The following GRM5 variants were observed in gnomAD, a reference collection of about 807,000 sequenced individuals.
GRM5 encodes glutamate metabotropic receptor 5.
In GRM5, 19 loss-of-function variants were observed where a neutral mutation model predicts 83.1. The observed-to-expected ratio is 0.23, with a 90% CI of 0.16 to 0.34. GRM5 has a LOEUF of 0.34. Ranked by LOEUF, GRM5 falls within the 10% of genes least tolerant of loss-of-function variation. GRM5 has a pLI of 1.00. For synonymous variants in GRM5, 675 were observed against 633.6 expected, an observed-to-expected ratio of 1.07 and a Z score of -0.98; for missense variants, 1,160 against 1,588.3, an observed-to-expected ratio of 0.73 and a Z score of 4.58.
chr11:88,581,937 T>C (rs1943219132), intron 7 of GRM5, among the ~76,000 whole-genome samples: 1 of 152,184 alleles, frequency 6.6e-6, no homozygotes, highest in Non-Finnish European at 1.5e-5. Context: ...TATTTTCACA[T>C]ACATGAATTC....
chr11:88,996,056 AG>A (rs1204104132), intron 2 of GRM5, among the ~76,000 whole-genome samples: 1 of 152,234 alleles, frequency 6.6e-6, no homozygotes, highest in Admixed American at 6.5e-5. Flanking sequence ...TGCTAGTCAA[AG>A]TAAATGTATG....
chr11:88,601,376 CCTTTT>C (rs1460607003), intron 5 of GRM5, among the ~76,000 whole-genome samples: 4 of 151,934 alleles, frequency 2.6e-5, no homozygotes, highest in African/African-American at 9.7e-5. Context: ...CTATTTTGGG[CCTTTT>C]CTTTTCTTTC....
intron 4 of GRM5, among the ~76,000 whole-genome samples, chr11:88,626,355 G>A (rs11020686): frequency 0.035 from 5,304 of 152,220 alleles, 299 homozygotes; most frequent in African/African-American, 0.12. Flanking sequence ...AGTCTAATCG[G>A]AAACCTTCTG....
chr11:89,047,086 T>C lies in GRM5; in HGVS notation c.661+126A>G. ...TATGCCATCCAGTCTGTTCTTATAGTACTGGTATAACTCGGACAATTCAAA... is the reference window on the plus strand; with the variant it reads ...TATGCCATCCAGTCTGTTCTTATAGCACTGGTATAACTCGGACAATTCAAA... On this transcript the variant is annotated intron_variant, in intron 2 of 9. Coordinates refer to ENST00000305447, the MANE Select transcript of GRM5 (RefSeq NM_001143831.3). This position sits in a 1 kb window ranked among gnomAD's most constrained non-coding sequence, Gnocchi z 5.1. 1.4e-6 allele frequency: 1 copy of C among 707,810 alleles called. No individual in the cohort carries two copies. The highest frequency in any genetic ancestry group is 2.4e-6 in the Non-Finnish European group (1 of 417,750). The allele number at this position is 707,810 out of a possible 1,614,324, so 43.8% of individuals were successfully genotyped here. A position where few individuals can be genotyped will look rare whatever the true frequency, so the allele number is the denominator to read the frequency against.
chr11:89,044,147 C>A (rs1941592320), intron 2 of GRM5, among the ~76,000 whole-genome samples: 1 of 152,156 alleles, frequency 6.6e-6, no homozygotes, highest in Non-Finnish European at 1.5e-5. Context: ...GGACCCTTTA[C>A]ATTTCCTTAG....
intron 3 of GRM5, among the ~76,000 whole-genome samples, chr11:88,668,829 G>A (rs964813555): frequency 6.6e-6 from 1 of 151,976 alleles, no homozygotes; most frequent in African/African-American, 2.4e-5. Context: ...CCAACCCCTG[G>A]CAACCACAAT....
At chr11:88,837,694 G>A (rs954849520) in intron 3 of GRM5, among the ~76,000 whole-genome samples, 2 of 152,038 alleles carry the variant, frequency 1.3e-5, no homozygotes, top group African/African-American at 2.4e-5. Context: ...AAAAGCCCCT[G>A]TTCATTTTCA....
rs61734993 is a variant in GRM5 at position 88,597,251 on chromosome 11, A to G, written c.1496T>C (p.Val499Ala). The G allele has an allele frequency of 1.2e-6, 2 of 1,607,468 alleles. No homozygotes were observed. The highest frequency in any genetic ancestry group is 1.7e-6 in the Non-Finnish European group (2 of 1,174,456). The change falls in exon 6 of 10, where the codon GTA becomes GCA. Residue 499 changes from valine (V) to alanine (A), a missense_variant. Val to Ala is a moderately conservative substitution (Grantham distance 64). This residue lies in a region of GRM5 where 30 missense variants were observed against 19.7 expected (regional missense o/e 1.52). Transcript: ENST00000305447. ...GATGATGTTGCTTTTCTTGGACCATACTTCATCATCATCCATTTTTAATTC... is the reference window on the plus strand; with the variant it reads ...GATGATGTTGCTTTTCTTGGACCATGCTTCATCATCATCCATTTTTAATTC... ...NGELKMDDDE[V>A]WSKKSNIIRS...
rs147106710 is a variant in GRM5 at position 88,750,705 on chromosome 11, G to T, written c.912-97302C>A. ...AAAACACTCCTCAGTGAATGCAAAAGAACTTAAATCATAACAAACAGTCTC... is the reference window on the plus strand; with the variant it reads ...AAAACACTCCTCAGTGAATGCAAAATAACTTAAATCATAACAAACAGTCTC... On this transcript the variant is annotated intron_variant, in intron 3 of 9. Transcript: ENST00000305447. Among the ~76,000 whole-genome samples, 906 of 152,140 alleles carry T rather than the reference G, an allele frequency of 6.0e-3. 17 individuals are homozygous for T. In the East Asian group the frequency reaches 0.071, roughly 12 times the overall value.
chr11:88,704,380 A>C (rs916146484), intron 3 of GRM5, among the ~76,000 whole-genome samples: 1 of 152,032 alleles, frequency 6.6e-6, no homozygotes, highest in African/African-American at 2.4e-5. Context: ...CTTACTCTCC[A>C]TTGAGACCAC....
chr11:88,936,134 G>A (rs1160373412), intron 2 of GRM5, among the ~76,000 whole-genome samples: 1 of 151,814 alleles, frequency 6.6e-6, no homozygotes, highest in Non-Finnish European at 1.5e-5. Flanking sequence ...AAAGACTTGC[G>A]CTCAGATCTT....
chr11:88,551,565 G>T (rs948382849), intron 8 of GRM5, among the ~76,000 whole-genome samples: 5 of 152,060 alleles, frequency 3.3e-5, no homozygotes, highest in African/African-American at 1.2e-4. Flanking sequence ...AGGCAGATTC[G>T]ATTCTTATTC....
intron 3 of GRM5, among the ~76,000 whole-genome samples, chr11:88,756,584 C>T (rs1307063311): frequency 4.0e-5 from 6 of 151,812 alleles, no homozygotes; most frequent in Non-Finnish European, 8.8e-5. Flanking sequence ...TGAATACATA[C>T]AAAAAATTAT....
intron 3 of GRM5, among the ~76,000 whole-genome samples, chr11:88,791,642 C>T (rs1334946561): frequency 6.6e-6 from 1 of 152,038 alleles, no homozygotes; most frequent in Non-Finnish European, 1.5e-5. Flanking sequence ...GAATACATGA[C>T]AAATGACCAA....
intron 7 of GRM5, among the ~76,000 whole-genome samples, chr11:88,570,658 C>A (rs890120231): frequency 1.4e-4 from 19 of 140,678 alleles, no homozygotes; most frequent in African/African-American, 5.1e-4. Flanking sequence ...TGGCTCACTG[C>A]AACCTCTGCC....
chr11:88,918,200 A>C (rs983782221), intron 2 of GRM5, among the ~76,000 whole-genome samples: 1 of 151,856 alleles, frequency 6.6e-6, no homozygotes, highest in Non-Finnish European at 1.5e-5. Flanking sequence ...AGGAAAAAAA[A>C]AAAACAAAAA....
At position 88,565,688 on chromosome 11, in the gene GRM5, G is replaced by A. The variant is rs1226816425; in HGVS notation, c.2630+1365C>T. On this transcript the variant is annotated intron_variant, in intron 8 of 9. Coordinates refer to ENST00000305447, the MANE Select transcript of GRM5 (RefSeq NM_001143831.3). ...AGATGGAAAATAGGCCAGCAGGTTA[G>A]ATATATGAAAGGCCTGCTGTGTACA... Among the ~76,000 whole-genome samples, 3 of 152,232 alleles carry A rather than the reference G, an allele frequency of 2.0e-5. No individual in the cohort carries two copies. In the East Asian group the frequency reaches 5.8e-4, roughly 29 times the overall value.
At chr11:88,574,257 TA>T (rs1371191602) in intron 7 of GRM5, among the ~76,000 whole-genome samples, 1 of 152,208 alleles carries the variant, frequency 6.6e-6, no homozygotes, top group East Asian at 1.9e-4. Context: ...TATAGAATTC[TA>T]ATTCTAGTGC....
rs192499950 is a variant in GRM5 at position 88,721,351 on chromosome 11, A to G, written c.912-67948T>C. ...TTGTCATTAAAGCCACCCCTGCATC[A>G]TTGGAATATTTGAACTAAGAATGCA... On this transcript the variant is annotated intron_variant, in intron 3 of 9. Transcript: ENST00000305447. 1.1e-4 allele frequency among the ~76,000 whole-genome samples: 17 copies of G among 152,162 alleles called. No homozygotes were observed. In the East Asian group the frequency reaches 3.3e-3, roughly 30 times the overall value.
Sources: allele counts gnomAD v4.1 joint callset (sites outside exome capture counted in the v4.1 genomes callset), GRCh38; gene constraint gnomAD v4.1.1; regional missense constraint gnomAD v4.1.1; non-coding constraint Gnocchi (gnomAD v3.1); transcripts MANE v1.5; gene names NCBI Gene and HGNC (gene_info 2026-07-23, HGNC 2026-07-21).